Variants in ZNF618 observed in about 807,000 individuals in gnomAD.
ZNF618 encodes the protein zinc finger protein 618.
In ZNF618, 34 loss-of-function variants were observed where a neutral mutation model predicts 103.0. The observed-to-expected ratio is 0.33, with a 90% confidence interval of 0.25 to 0.44. The LOEUF (loss-of-function observed/expected upper bound fraction) is 0.44, where lower values mean the gene tolerates loss of function less well. ZNF618 is among the 20% of genes least tolerant of loss of function. The pLI is 1.00. For synonymous variants in ZNF618, 551 were observed against 542.2 expected (o/e 1.02, Z -0.23); for missense variants, 1,059 against 1,295.4 (o/e 0.82, Z 2.80).
At chr9:113,903,397 T>C (rs1429419915) in intron 1 of ZNF618, among the ~76,000 whole-genome samples, 1 of 152,220 alleles carries the variant, frequency 6.6e-6, no homozygotes, top group African/African-American at 2.4e-5. Flanking sequence ...CCATTCATAC[T>C]GTTTTACAGC....
intron 2 of ZNF618, among the ~76,000 whole-genome samples, chr9:113,974,214 T>C (rs1208990915): frequency 6.6e-6 from 1 of 152,222 alleles, no homozygotes; most frequent in Non-Finnish European, 1.5e-5. Context: ...GTGTTGCCTC[T>C]CTAATTTGAG....
intron 1 of ZNF618, among the ~76,000 whole-genome samples, chr9:113,938,831 A>C (rs535904367): frequency 5.3e-4 from 81 of 152,202 alleles, no homozygotes; most frequent in East Asian, 1.9e-4. Context: ...CAGCCTCCCG[A>C]AGTGCTGGGA....
At chr9:113,985,146 G>A (rs1365717390) in intron 2 of ZNF618, among the ~76,000 whole-genome samples, 1 of 152,232 alleles carries the variant, frequency 6.6e-6, no homozygotes, top group Non-Finnish European at 1.5e-5. Flanking sequence ...GGTAGGTACC[G>A]TGTTTGTCCC....
chr9:114,035,777 C>G (rs1322934785), intron 12 of ZNF618, among the ~76,000 whole-genome samples: 2 of 152,152 alleles, frequency 1.3e-5, no homozygotes, highest in Non-Finnish European at 2.9e-5. Context: ...CATCAGATCC[C>G]CACTTCCTCC....
intron 1 of ZNF618, among the ~76,000 whole-genome samples, chr9:113,899,360 C>T (rs761455503): frequency 5.3e-5 from 8 of 152,142 alleles, no homozygotes; most frequent in Non-Finnish European, 1.0e-4. Flanking sequence ...TGACTTAGAT[C>T]AGGGGTCCCC....
At chr9:113,983,989 C>G (rs1839215547) in intron 2 of ZNF618, among the ~76,000 whole-genome samples, 2 of 152,158 alleles carry the variant, frequency 1.3e-5, no homozygotes, top group South Asian at 2.1e-4. Flanking sequence ...TCAGCAAATA[C>G]CATATTTATG....
intron 1 of ZNF618, among the ~76,000 whole-genome samples, chr9:113,956,209 C>CAAAAAA (rs10537910): frequency 1.0e-3 from 45 of 44,572 alleles, no homozygotes; most frequent in African/African-American, 1.5e-3. Context: ...AACTCTGTCT[C>CAAAAAA]AAAAAAAAAA....
chr9:114,029,067 A>G (rs1412204450), intron 11 of ZNF618, 95 bp downstream of exon 11: 7 of 1,470,944 alleles, frequency 4.8e-6, no homozygotes, highest in Non-Finnish European at 6.3e-6. Context: ...GCCTTGCAAG[A>G]GCAAGAGTGG....
chr9:113,922,274 A>G (rs1588049516), intron 1 of ZNF618, among the ~76,000 whole-genome samples: 1 of 152,206 alleles, frequency 6.6e-6, no homozygotes, highest in East Asian at 1.9e-4. Context: ...TGATAGTGAA[A>G]GTCGTCATGG....
intron 9 of ZNF618, 82 bp downstream of exon 9, chr9:114,008,636 G>A: frequency 6.7e-7 from 1 of 1,495,182 alleles, no homozygotes; most frequent in Non-Finnish European, 9.2e-7. Flanking sequence ...GCTAGGGCAG[G>A]GGTAGCAGTG....
chr9:114,039,869 C>T (rs1844979699), intron 13 of ZNF618, among the ~76,000 whole-genome samples: 1 of 152,198 alleles, frequency 6.6e-6, no homozygotes, highest in Admixed American at 6.5e-5. Context: ...CTCCTGCCTG[C>T]AGTGGTCTCT....
In ZNF618 at chr9:114,050,335, T is replaced by TACAC; in HGVS notation, c.*168_*169insACAC. 4.0e-6 allele frequency: 3 copies of TACAC among 747,334 alleles called. No individual in the cohort carries two copies. Among genetic ancestry groups the TACAC allele is most frequent in the Non-Finnish European group, 6.3e-6 (3 of 479,846 alleles). 46.3% of individuals were successfully genotyped at this position (747,334 alleles called of 1,614,324 possible). On this transcript the variant is annotated 3_prime_UTR_variant, in exon 15 of 15. Transcript: ENST00000374126. ...TTTTATATGTGTGTGTGTGCGTGTA[T>TACAC]GTACACAGCCACACGTGTGTGCACG... is the stretch of plus-strand genomic sequence containing the variant.
intron 10 of ZNF618, among the ~76,000 whole-genome samples, chr9:114,026,450 G>A (rs1282414953): frequency 6.6e-6 from 1 of 152,216 alleles, no homozygotes; most frequent in Admixed American, 6.5e-5. Context: ...TCTGTAACGG[G>A]CTGATCCAAC....
intron 13 of ZNF618, among the ~76,000 whole-genome samples, chr9:114,042,649 G>A (rs1845312498): frequency 6.6e-6 from 1 of 152,186 alleles, no homozygotes; most frequent in South Asian, 2.1e-4. Flanking sequence ...GGTCACCACA[G>A]CAATACTCTG....
intron 10 of ZNF618, among the ~76,000 whole-genome samples, chr9:114,025,620 G>A (rs886143639): frequency 2.6e-5 from 4 of 152,178 alleles, no homozygotes; most frequent in Non-Finnish European, 4.4e-5. Flanking sequence ...ACACTGTTAA[G>A]TAGAATGAGT....
At chr9:114,044,848 A>G (rs1241720416) in intron 13 of ZNF618, among the ~76,000 whole-genome samples, 2 of 151,626 alleles carry the variant, frequency 1.3e-5, no homozygotes, top group Non-Finnish European at 2.9e-5. Flanking sequence ...ACTTTTGTAA[A>G]AGGGGTTGAA....
At position 114,050,067 on chromosome 9, in the gene ZNF618, G is replaced by A. The variant is rs1393276842; in HGVS notation, c.2765G>A (p.Cys922Tyr). 3 of 1,613,374 alleles carry A rather than the reference G, an allele frequency of 1.9e-6. No homozygotes were observed. The highest frequency in any genetic ancestry group is 1.7e-6 in the Non-Finnish European group (2 of 1,179,882). The stretch of plus-strand genomic sequence containing the variant: ...CCGGCCGTGGGCGCCAGAAGCGGGT[G>A]TGTAAATATGTGTGAACAAGCGCTT... The part of the protein sequence containing the change: ...AVPAVGARSG[C>Y]VNMCEQALLI... The change falls in exon 15 of 15, where the codon TGT (cysteine) becomes TAT (tyrosine). Residue 922 changes from cysteine to tyrosine, a missense_variant. Coordinates refer to ENST00000374126, the MANE Select transcript of ZNF618 (RefSeq NM_001318042.2).
At chr9:113,897,408 C>T (rs913577060) in intron 1 of ZNF618, among the ~76,000 whole-genome samples, 11 of 152,204 alleles carry the variant, frequency 7.2e-5, no homozygotes, top group Non-Finnish European at 1.3e-4. Context: ...CATCCCCAGC[C>T]TTCCTGAATG....
At chr9:113,967,623 A>C (rs1204751559) in intron 1 of ZNF618, among the ~76,000 whole-genome samples, 1 of 152,120 alleles carries the variant, frequency 6.6e-6, no homozygotes, top group Non-Finnish European at 1.5e-5. Flanking sequence ...TGATAAATAC[A>C]TTCTTTGACC....
Sources: gnomAD v4.1 joint callset for allele counts (sites outside exome capture counted in the v4.1 genomes callset) on GRCh38, gnomAD v4.1.1 for gene constraint, MANE v1.5 for transcripts, NCBI Gene and HGNC (gene_info 2026-07-23, HGNC 2026-07-21) for gene names.